Variants in KITLG observed in about 807,000 individuals in gnomAD.
KITLG encodes the protein c-Kit ligand.
KITLG carries 13 observed loss-of-function variants against 34.1 expected under a neutral mutation model. The ratio of observed to expected loss-of-function variants is 0.38; its 90% CI spans 0.25 to 0.61. KITLG has a LOEUF of 0.61. Ranked by LOEUF, KITLG falls within the 20% of genes least tolerant of loss-of-function variation. The pLI is 0.60. For synonymous variants in KITLG, 110 were observed against 104.0 expected (o/e 1.06, Z -0.35); for missense variants, 292 against 318.9 (o/e 0.92, Z 0.64).
Position 88,492,903 on chromosome 12 carries a change from A to C in KITLG, c.*4316T>G, listed in dbSNP as rs1216105592. ...GTTGGGACATACACCTATTTTAAAA[A>C]GTACACATACAGTATATACACATAC... On this transcript the variant is annotated 3_prime_UTR_variant, in exon 10 of 10. Transcript: ENST00000644744. The C allele has an allele frequency of 2.6e-5, 4 of 152,422 alleles. No homozygotes were observed. The highest frequency in any genetic ancestry group is 5.9e-5 in the Non-Finnish European group (4 of 67,914). The allele number at this position is 152,422 out of a possible 1,614,324, so 9.4% of individuals were successfully genotyped here.
intron 1 of KITLG, among the ~76,000 whole-genome samples, chr12:88,548,608 T>C (rs1870795134): frequency 6.6e-6 from 1 of 152,208 alleles, no homozygotes; most frequent in Non-Finnish European, 1.5e-5. Flanking sequence ...CTTCTGCTTA[T>C]ACCTTGCTAG....
In KITLG at chr12:88,568,134, G is replaced by A. The variant is rs148788741; in HGVS notation, c.15+12130C>T. Among the ~76,000 whole-genome samples the A allele has an allele frequency of 5.9e-3, 896 of 152,056 alleles. 9 individuals are homozygous for A. Among genetic ancestry groups the A allele is most frequent in the South Asian group, 0.039 (190 of 4,820 alleles). Reference sequence around the variant, plus strand: ...CTTGACTTTCACAACTTGTGAGGTCGCCAACATGTGTCAACATCCTTACAG... The same window carrying A: ...CTTGACTTTCACAACTTGTGAGGTCACCAACATGTGTCAACATCCTTACAG... On this transcript the variant is annotated intron_variant, in intron 1 of 9. Transcript: ENST00000644744.
chr12:88,513,892 A>C (rs1869367421), intron 6 of KITLG, among the ~76,000 whole-genome samples: 1 of 151,726 alleles, frequency 6.6e-6, no homozygotes, highest in African/African-American at 2.4e-5. Context: ...GGGAAGATAT[A>C]AACAACACTA....
At chr12:88,569,969 G>C (rs10160879) in intron 1 of KITLG, among the ~76,000 whole-genome samples, 113,989 of 152,092 alleles carry the variant, frequency 0.75, 47,743 homozygotes, top group Middle Eastern at 0.93. Context: ...AGCTTTAAAA[G>C]CCAGACATAA....
At chr12:88,555,951 C>T (rs1000323417) in intron 1 of KITLG, among the ~76,000 whole-genome samples, 1 of 152,090 alleles carries the variant, frequency 6.6e-6, no homozygotes, top group Non-Finnish European at 1.5e-5. Flanking sequence ...CCAGCCCCTC[C>T]CTCAACTGCC....
At chr12:88,577,487 A>G (rs1265721175) in intron 1 of KITLG, among the ~76,000 whole-genome samples, 2 of 152,196 alleles carry the variant, frequency 1.3e-5, no homozygotes, top group Non-Finnish European at 2.9e-5. Context: ...CAGTGTTGCA[A>G]AATATGGTGC....
At chr12:88,523,890 G>A (rs1349686396) in intron 3 of KITLG, among the ~76,000 whole-genome samples, 6 of 152,126 alleles carry the variant, frequency 3.9e-5, no homozygotes, top group Admixed American at 3.3e-4. Context: ...TTAAAGTGCC[G>A]TAGAAATCTC....
intron 1 of KITLG, among the ~76,000 whole-genome samples, chr12:88,562,588 C>A (rs1207054659): frequency 6.6e-6 from 1 of 152,110 alleles, no homozygotes; most frequent in African/African-American, 2.4e-5. Flanking sequence ...GGGTATAAAC[C>A]ATTGTCATCC....
chr12:88,534,484 G>C (rs546562302), intron 2 of KITLG, among the ~76,000 whole-genome samples: 3 of 151,836 alleles, frequency 2.0e-5, no homozygotes, highest in African/African-American at 7.2e-5. Context: ...AGGAATCCTC[G>C]CATGTGTCAG....
rs577526428 is a variant in KITLG at position 88,515,082 on chromosome 12, C to T, written c.604+452G>A. On this transcript the variant is annotated intron_variant, in intron 6 of 9. Coordinates refer to ENST00000644744, the MANE Select transcript of KITLG (RefSeq NM_000899.5). ...ATGCGCAATAGTAAATACTGATATA[C>T]ACAAATCTGAAAATATCTTTGGAAT... 1.1e-3 allele frequency among the ~76,000 whole-genome samples: 170 copies of T among 151,856 alleles called. 2 individuals are homozygous for T. The Middle Eastern group carries it at 0.014, about 12-fold the overall frequency.
At chr12:88,527,439 A>G (rs11104924) in intron 3 of KITLG, among the ~76,000 whole-genome samples, 12,833 of 152,278 alleles carry the variant, frequency 0.084, 570 homozygotes, top group Non-Finnish European at 0.1. Flanking sequence ...TACCTGAGGA[A>G]GGGTACTGAA....
chr12:88,529,196 T>C (rs1869988710), intron 3 of KITLG, among the ~76,000 whole-genome samples: 1 of 152,168 alleles, frequency 6.6e-6, no homozygotes, highest in Admixed American at 6.5e-5. Flanking sequence ...ACTCAAATAT[T>C]ACAAGCAACC....
chr12:88,517,050 C>T (rs1400113573), intron 4 of KITLG, among the ~76,000 whole-genome samples: 1 of 151,876 alleles, frequency 6.6e-6, no homozygotes, highest in Admixed American at 6.6e-5. Context: ...GAAACTATTG[C>T]ACATATATAC....
At chr12:88,569,675 G>A (rs1871575470) in intron 1 of KITLG, among the ~76,000 whole-genome samples, 1 of 152,018 alleles carries the variant, frequency 6.6e-6, no homozygotes, top group South Asian at 2.1e-4. Context: ...TCGTTCTTAG[G>A]CAACCAAAGC....
At chr12:88,499,332 T>TA (rs1210285011) in intron 9 of KITLG, among the ~76,000 whole-genome samples, 1 of 152,208 alleles carries the variant, frequency 6.6e-6, no homozygotes. Flanking sequence ...CCTTGAGGCC[T>TA]AAATTTCCAA....
chr12:88,565,844 A>G (rs537955243), intron 1 of KITLG, among the ~76,000 whole-genome samples: 2 of 152,330 alleles, frequency 1.3e-5, no homozygotes, highest in South Asian at 4.1e-4. Flanking sequence ...GAGAATCAGG[A>G]GACATAAAGT....
At chr12:88,548,402 C>G (rs547155403) in intron 1 of KITLG, among the ~76,000 whole-genome samples, 1 of 151,556 alleles carries the variant, frequency 6.6e-6, no homozygotes, top group African/African-American at 2.4e-5. Context: ...TGCAGTGAGC[C>G]AAGATTGCGC....
At chr12:88,505,634 G>A (rs1869029082) in intron 8 of KITLG, among the ~76,000 whole-genome samples, 1 of 152,172 alleles carries the variant, frequency 6.6e-6, no homozygotes, top group Non-Finnish European at 1.5e-5. Flanking sequence ...CAGCTACAGT[G>A]AATGGAAAGT....
At chr12:88,537,608 G>A (rs1173578347) in intron 2 of KITLG, among the ~76,000 whole-genome samples, 2 of 151,708 alleles carry the variant, frequency 1.3e-5, no homozygotes, top group Admixed American at 1.3e-4. Flanking sequence ...TTCAAATGTA[G>A]CTGCTGAATC....
Sources: gnomAD v4.1 joint callset for allele counts (sites outside exome capture counted in the v4.1 genomes callset) on GRCh38, gnomAD v4.1.1 for gene constraint, MANE v1.5 for transcripts, NCBI Gene and HGNC (gene_info 2026-07-23, HGNC 2026-07-21) for gene names.